Variants in CASP8 observed in about 807,000 individuals in gnomAD.
The protein encoded by CASP8 is caspase 8.
Under a neutral mutation model 46.3 loss-of-function variants are expected in CASP8, and 24 were observed. The observed-to-expected ratio is 0.52, with a 90% CI of 0.38 to 0.73. The LOEUF is 0.73. Among genes scored for constraint, CASP8 ranks in the 30% least tolerant of loss-of-function variants. CASP8 has a pLI of 0.00. For synonymous variants in CASP8, 188 were observed against 200.4 expected (o/e 0.94, Z 0.52); for missense variants, 460 against 559.0 (o/e 0.82, Z 1.79).
intron 2 of CASP8, among the ~76,000 whole-genome samples, chr2:201,240,076 G>A (rs1470104492): frequency 6.6e-6 from 1 of 152,114 alleles, no homozygotes. Context: ...TTAGCATGTG[G>A]GAGGTAAGGC....
chr2:201,260,803 C>A (rs958485738), intron 1 of CASP8, among the ~76,000 whole-genome samples, 190 bp downstream of exon 1: 2 of 152,134 alleles, frequency 1.3e-5, no homozygotes, highest in Non-Finnish European at 2.9e-5. Flanking sequence ...GAGAGCCTTG[C>A]CGAGGGCCGT....
chr2:201,259,293 C>T (rs551521098), upstream of CASP8, among the ~76,000 whole-genome samples: 1 of 152,312 alleles, frequency 6.6e-6, no homozygotes, highest in South Asian at 2.1e-4. Context: ...CCATCTCAGC[C>T]TTCAGATTAG....
intron 5 of CASP8, 140 bp downstream of exon 5, chr2:201,273,082 C>G (rs1306883047): frequency 1.0e-5 from 7 of 689,180 alleles, no homozygotes; most frequent in Non-Finnish European, 1.7e-5. Flanking sequence ...TTTTGTGAGA[C>G]AGTTTTACTT....
At chr2:201,257,963 C>T, upstream of CASP8, 1 of 458,826 alleles carries the variant, frequency 2.2e-6, no homozygotes, top group South Asian at 2.1e-5. Context: ...GAATTGTCTG[C>T]CACATCCCTC....
chr2:201,268,956 T>TGTGTGA (rs1553602753), intron 2 of CASP8, among the ~76,000 whole-genome samples: 46 of 133,378 alleles, frequency 3.4e-4, no homozygotes, highest in Middle Eastern at 3.9e-3. Flanking sequence ...TGTGTGTGTG[T>TGTGTGA]GAGACAGTGT....
chr2:201,268,199 A>T (rs1303604815), intron 2 of CASP8, among the ~76,000 whole-genome samples: 1 of 152,126 alleles, frequency 6.6e-6, no homozygotes, highest in Non-Finnish European at 1.5e-5. Context: ...TGCTGGGATT[A>T]TAGGTGTGAG....
upstream of CASP8, among the ~76,000 whole-genome samples, chr2:201,260,136 A>G (rs1343053081): frequency 6.6e-6 from 1 of 152,128 alleles, no homozygotes; most frequent in Non-Finnish European, 1.5e-5. Flanking sequence ...GCAGTGTCCA[A>G]TCTCAAGACC....
At chr2:201,239,626 G>C (rs2124889228) in intron 2 of CASP8, among the ~76,000 whole-genome samples, 1 of 152,278 alleles carries the variant, frequency 6.6e-6, no homozygotes, top group Non-Finnish European at 1.5e-5. Flanking sequence ...ACCTTGGATT[G>C]ATTGTGCTTT....
At chr2:201,253,021 G>A (rs920389700) in intron 2 of CASP8, among the ~76,000 whole-genome samples, 10 of 151,814 alleles carry the variant, frequency 6.6e-5, no homozygotes, top group Non-Finnish European at 8.8e-5. Context: ...GGCTCGCTCC[G>A]TCCCCCAGGC....
At chr2:201,249,005 A>C (rs6743901) in intron 2 of CASP8, among the ~76,000 whole-genome samples, 43,085 of 151,936 alleles carry the variant, frequency 0.28, 9,204 homozygotes, top group African/African-American at 0.59. Context: ...AATTCTCATG[A>C]CTCAGCCTCC....
At position 201,286,833 on chromosome 2, in the gene CASP8, G is replaced by A. The variant is rs1420615609; in HGVS notation, c.*239G>A. The A allele has an allele frequency of 9.6e-6, 4 of 417,050 alleles. No individual in the cohort carries two copies. The highest frequency in any genetic ancestry group is 7.1e-5 in the Admixed American group (2 of 28,172). 25.8% of individuals were successfully genotyped at this position (417,050 alleles called of 1,614,324 possible). On this transcript the variant is annotated 3_prime_UTR_variant, in exon 9 of 9. Transcript: ENST00000673742. ...ACAGGGTTTCACTGTGTTAGCCAGG[G>A]TGGTCTTGATCTCCTGACCTCGTGA...
chr2:201,254,825 G>C (rs1352047282), intron 2 of CASP8, among the ~76,000 whole-genome samples: 2 of 152,224 alleles, frequency 1.3e-5, no homozygotes, highest in Non-Finnish European at 2.9e-5. Flanking sequence ...CTTGGAGATT[G>C]AGTCAAAGCA....
chr2:201,283,819 AC>A (rs1286913958), intron 7 of CASP8, among the ~76,000 whole-genome samples: 272 of 27,264 alleles, frequency 1.0e-2, no homozygotes, highest in African/African-American at 0.031. Context: ...CGGGGGGCTG[AC>A]CCCCCCCACC....
At chr2:201,235,844 T>A (rs767914207) in intron 2 of CASP8, among the ~76,000 whole-genome samples, 1 of 152,210 alleles carries the variant, frequency 6.6e-6, no homozygotes, top group East Asian at 1.9e-4. Context: ...CATTTCTATG[T>A]TTAGATATAT....
chr2:201,233,694 G>T (rs1467569885), intron 1 of CASP8: 12 of 152,202 alleles, frequency 7.9e-5, no homozygotes, highest in Admixed American at 7.9e-4. Context: ...TCTTTTCCAC[G>T]TGAAAAGATG....
chr2:201,257,088 T>A (rs1947054546), upstream of CASP8, among the ~76,000 whole-genome samples: 2 of 151,738 alleles, frequency 1.3e-5, no homozygotes, highest in South Asian at 4.1e-4. Flanking sequence ...GAGGTTGCTG[T>A]GAGCCGAGAT....
chr2:201,261,289 G>A (rs912545903), intron 1 of CASP8, among the ~76,000 whole-genome samples: 1 of 151,636 alleles, frequency 6.6e-6, no homozygotes, highest in Non-Finnish European at 1.5e-5. Context: ...TACTCGGGAG[G>A]CTGAGGCAGG....
intron 6 of CASP8, 47 bp downstream of exon 6, chr2:201,275,000 T>C (rs1948535355): frequency 7.5e-7 from 1 of 1,339,450 alleles, no homozygotes; most frequent in Non-Finnish European, 1.1e-6. Context: ...CAGATTCTAG[T>C]TATTTAATTT....
chr2:201,276,108 C>T (rs1323651114), intron 6 of CASP8, among the ~76,000 whole-genome samples: 3 of 152,064 alleles, frequency 2.0e-5, no homozygotes, highest in Non-Finnish European at 2.9e-5. Flanking sequence ...CAAGGGGCTA[C>T]GCAGACCTCC....
Sources: gnomAD v4.1 joint callset for allele counts (sites outside exome capture counted in the v4.1 genomes callset) on GRCh38, gnomAD v4.1.1 for gene constraint, MANE v1.5 for transcripts, NCBI Gene and HGNC (gene_info 2026-07-23, HGNC 2026-07-21) for gene names.